Variants in SHROOM3 observed in about 807,000 individuals in gnomAD.
SHROOM3 encodes the protein shroom family member 3.
SHROOM3 carries 47 observed loss-of-function variants against 138.6 expected under a neutral mutation model. That is an observed-to-expected ratio of 0.34 (90% CI 0.27 to 0.43). SHROOM3 has a LOEUF of 0.43. Among genes scored for constraint, SHROOM3 ranks in the 20% least tolerant of loss-of-function variants. SHROOM3 has a pLI of 1.00. For missense variants in SHROOM3, 2,491 were observed against 2,596.5 expected (o/e 0.96, Z 0.88); for synonymous variants, 1,062 against 1,063.3 (o/e 1.00, Z 0.02).
rs544896128 is a variant in SHROOM3, at chr4:76,593,150, A to C, written c.323+37387A>C. 3.3e-5 allele frequency among the ~76,000 whole-genome samples: 5 copies of C among 152,338 alleles called. No individual in the cohort carries two copies. The South Asian group carries it at 8.3e-4, about 25-fold the overall frequency. ...CTAGAACCACCATAAGTGATTTGGGAGCAACAAAAGGAATTATTGATGATA... is the reference window on the plus strand; with the variant it reads ...CTAGAACCACCATAAGTGATTTGGGCGCAACAAAAGGAATTATTGATGATA... On this transcript the variant is annotated intron_variant, in intron 2 of 10. Coordinates refer to ENST00000296043, the MANE Select transcript of SHROOM3 (RefSeq NM_020859.4).
chr4:76,616,078 C>T (rs1431283491), intron 2 of SHROOM3, among the ~76,000 whole-genome samples: 3 of 152,016 alleles, frequency 2.0e-5, no homozygotes, highest in Non-Finnish European at 2.9e-5. Flanking sequence ...GTCAGTTTGA[C>T]ATTAGGTTTG....
intron 1 of SHROOM3, among the ~76,000 whole-genome samples, chr4:76,494,848 G>T (rs1297709174): frequency 1.3e-5 from 2 of 152,160 alleles, no homozygotes; most frequent in Non-Finnish European, 2.9e-5. Flanking sequence ...GTTTGTCAAG[G>T]TTGGTTCTAA....
At chr4:76,551,961 A>G (rs925741089) in intron 1 of SHROOM3, among the ~76,000 whole-genome samples, 8 of 150,096 alleles carry the variant, frequency 5.3e-5, no homozygotes, top group Non-Finnish European at 1.2e-4. Context: ...TCCTGGGTTC[A>G]CGCCATTCTC....
At chr4:76,440,106 T>C (rs1386193272) in intron 1 of SHROOM3, among the ~76,000 whole-genome samples, 2 of 152,226 alleles carry the variant, frequency 1.3e-5, no homozygotes, top group African/African-American at 4.8e-5. Context: ...CCAGGGCTCA[T>C]AAGCCAAGTA....
intron 1 of SHROOM3, among the ~76,000 whole-genome samples, chr4:76,499,325 C>G (rs1313636477): frequency 4.6e-5 from 7 of 152,142 alleles, no homozygotes; most frequent in African/African-American, 1.7e-4. Flanking sequence ...TTATAAGAAT[C>G]ACATGATATA....
chr4:76,498,150 T>C (rs1346973464), intron 1 of SHROOM3, among the ~76,000 whole-genome samples: 1 of 152,248 alleles, frequency 6.6e-6, no homozygotes, highest in Non-Finnish European at 1.5e-5. Flanking sequence ...TCTAATTCTA[T>C]ATGATCAGAG....
chr4:76,663,818 T>C (rs1296400094), intron 2 of SHROOM3, among the ~76,000 whole-genome samples: 1 of 152,218 alleles, frequency 6.6e-6, no homozygotes, highest in East Asian at 1.9e-4. Flanking sequence ...CTTTCTGCAG[T>C]GTAACAGTTG....
intron 2 of SHROOM3, chr4:76,639,544 T>C (rs1328663004): frequency 2.5e-6 from 1 of 398,456 alleles, no homozygotes. Flanking sequence ...GCCAATCTCA[T>C]TGCTGGCCTG....
intron 1 of SHROOM3, among the ~76,000 whole-genome samples, chr4:76,483,998 G>T (rs922561680): frequency 2.0e-5 from 3 of 152,010 alleles, no homozygotes; most frequent in East Asian, 3.9e-4. Flanking sequence ...GTGGTGGGGT[G>T]GGGGGCTAGG....
chr4:76,452,269 C>T lies in SHROOM3; in HGVS notation c.168+16049C>T, dbSNP rs114114418. ...TTTAGCCATTTTTAAGTATACAGTT[C>T]AGTGGCATCAAGTACATTCACATTG... On this transcript the variant is annotated intron_variant, in intron 1 of 10. Transcript: ENST00000296043. Among the ~76,000 whole-genome samples the T allele has an allele frequency of 4.0e-3, 605 of 152,312 alleles. 2 individuals carry two copies. Among genetic ancestry groups the T allele is most frequent in the African/African-American group, 0.014 (572 of 41,558 alleles).
At chr4:76,495,075 T>G (rs1195926281) in intron 1 of SHROOM3, among the ~76,000 whole-genome samples, 1 of 152,200 alleles carries the variant, frequency 6.6e-6, no homozygotes, top group South Asian at 2.1e-4. Context: ...ATGGTTAAAA[T>G]GCAGTGTAAC....
At chr4:76,695,522 A>G (rs777300730) in intron 2 of SHROOM3, among the ~76,000 whole-genome samples, 1 of 152,184 alleles carries the variant, frequency 6.6e-6, no homozygotes, top group Admixed American at 6.5e-5. Flanking sequence ...CATTTTCTCA[A>G]CTCCCAGATT....
chr4:76,590,583 G>C (rs931212110), intron 2 of SHROOM3, among the ~76,000 whole-genome samples: 9 of 151,338 alleles, frequency 5.9e-5, no homozygotes, highest in Admixed American at 1.3e-4. Context: ...GAAGAATCAG[G>C]ACAGCATTCA....
At chr4:76,453,641 G>A (rs1301547481) in intron 1 of SHROOM3, among the ~76,000 whole-genome samples, 2 of 152,090 alleles carry the variant, frequency 1.3e-5, no homozygotes, top group Admixed American at 6.5e-5. Context: ...GTGTTGCTGA[G>A]TATCTTTTCT....
At chr4:76,563,715 G>A (rs1273748678) in intron 2 of SHROOM3, among the ~76,000 whole-genome samples, 1 of 152,180 alleles carries the variant, frequency 6.6e-6, no homozygotes, top group Admixed American at 6.5e-5. Flanking sequence ...AACAGAAAAG[G>A]TGCAGTGACC....
intron 2 of SHROOM3, among the ~76,000 whole-genome samples, chr4:76,696,467 C>T (rs888546323): frequency 7.2e-5 from 11 of 152,218 alleles, no homozygotes; most frequent in African/African-American, 2.2e-4. Context: ...AATGGGGTCA[C>T]AGTCCAGTAC....
chr4:76,494,586 C>A (rs760023750), intron 1 of SHROOM3, among the ~76,000 whole-genome samples: 4 of 152,118 alleles, frequency 2.6e-5, no homozygotes, highest in African/African-American at 4.8e-5. Flanking sequence ...GGGAATCAGG[C>A]GGAACATACT....
intron 1 of SHROOM3, among the ~76,000 whole-genome samples, chr4:76,445,585 AAGTC>A (rs1471652310): frequency 1.3e-5 from 2 of 152,150 alleles, no homozygotes; most frequent in African/African-American, 2.4e-5. Context: ...AACAAAAAGA[AAGTC>A]AGTGTTATTG....
In SHROOM3 at chr4:76,741,627, G is replaced by C; in HGVS notation, c.3454G>C (p.Glu1152Gln). 1 of 1,542,224 alleles carries C rather than the reference G, an allele frequency of 6.5e-7. No homozygotes were observed. Among genetic ancestry groups the C allele is most frequent in the Non-Finnish European group, 8.7e-7 (1 of 1,149,288 alleles). Residue 1152 changes from glutamate (E) to glutamine (Q), a missense_variant, in exon 5 of 11, where the codon GAG (glutamate) becomes CAG (glutamine). Transcript: ENST00000296043. The surrounding 1 kb of genome is among the most constrained non-coding windows in gnomAD (Gnocchi z 6.2). ...GGAGCCCAGCCTGCAGCCCCGCAGG[G>C]AGGCCACGCTCCTGCCGGCCACAGT... ...LREPSLQPRR[E>Q]ATLLPATVAE...
Sources: gnomAD v4.1 joint callset for allele counts (sites outside exome capture counted in the v4.1 genomes callset) on GRCh38, gnomAD v4.1.1 for gene constraint, Gnocchi (gnomAD v3.1) non-coding constraint, MANE v1.5 for transcripts, NCBI Gene and HGNC (gene_info 2026-07-23, HGNC 2026-07-21) for gene names.